Variants in TBXAS1 observed in about 807,000 individuals in gnomAD.
TBXAS1 encodes thromboxane-A synthase.
A neutral mutation model predicts 60.7 loss-of-function variants in TBXAS1; 48 were observed. The observed-to-expected ratio is 0.79, with a 90% CI of 0.63 to 1.01. TBXAS1 has a LOEUF of 1.01. Ranked by LOEUF, TBXAS1 falls within the 50% of genes least tolerant of loss-of-function variation. TBXAS1 has a pLI of 0.00. For synonymous variants in TBXAS1, 287 were observed against 269.7 expected (o/e 1.06, Z -0.63); for missense variants, 685 against 686.3 (o/e 1.00, Z 0.02).
intron 9 of TBXAS1, among the ~76,000 whole-genome samples, chr7:139,989,435 C>G (rs1250396046): frequency 6.6e-6 from 1 of 152,210 alleles, no homozygotes; most frequent in Non-Finnish European, 1.5e-5. Context: ...GCTGAAACTC[C>G]CCATGTCTAA....
At chr7:140,001,889 A>G (rs1185787516) in intron 9 of TBXAS1, among the ~76,000 whole-genome samples, 5 of 152,160 alleles carry the variant, frequency 3.3e-5, no homozygotes, top group Non-Finnish European at 7.4e-5. Flanking sequence ...CATCCTAAAA[A>G]TCTCAGCCTG....
rs1200263976 is a variant in TBXAS1 at position 139,890,382 on chromosome 7, A to AT, written c.236+14751dup. Among the ~76,000 whole-genome samples the AT allele has an allele frequency of 2.6e-5, 4 of 151,258 alleles. No homozygotes were observed. The East Asian group carries it at 7.8e-4, about 29-fold the overall frequency. The stretch of plus-strand genomic sequence containing the variant: ...AGGCGCCCGCCACTGCGCCCGGCTA[A>AT]TTTTTTGTATTTTTAGGAGAGACGG... On this transcript the variant is annotated intron_variant, in intron 3 of 12. Transcript: ENST00000448866.
chr7:139,955,666 T>G, intron 7 of TBXAS1, 59 bp downstream of exon 7: 1 of 1,607,134 alleles, frequency 6.2e-7, no homozygotes, highest in African/African-American at 1.3e-5. Context: ...GCAGACCCCA[T>G]GACACCTGGG....
chr7:139,837,061 C>A (rs1455329653), intron 1 of TBXAS1, among the ~76,000 whole-genome samples: 1 of 152,122 alleles, frequency 6.6e-6, no homozygotes, highest in African/African-American at 2.4e-5. Flanking sequence ...AAAAAATGCT[C>A]AACAACACTA....
upstream of TBXAS1, among the ~76,000 whole-genome samples, chr7:139,824,338 G>A (rs1018178659): frequency 2.0e-5 from 3 of 152,186 alleles, no homozygotes; most frequent in African/African-American, 7.2e-5. Context: ...CTGTACACAG[G>A]GTAGCACTTA....
intron 12 of TBXAS1, among the ~76,000 whole-genome samples, chr7:140,018,372 C>G (rs565184324): frequency 6.6e-6 from 1 of 152,120 alleles, no homozygotes; most frequent in Non-Finnish European, 1.5e-5. Context: ...TGCCTTCCCC[C>G]CTTGTGCAGA....
chr7:140,005,688 T>C (rs2116375560), intron 9 of TBXAS1, among the ~76,000 whole-genome samples: 1 of 152,336 alleles, frequency 6.6e-6, no homozygotes, highest in Middle Eastern at 3.4e-3. Flanking sequence ...AATGCCACCC[T>C]GGCCCTCTAA....
chr7:139,813,734 G>C, intron 4 of TBXAS1, among the ~76,000 whole-genome samples: 1 of 152,178 alleles, frequency 6.6e-6, no homozygotes, highest in East Asian at 1.9e-4. Context: ...TTGTAACTAT[G>C]TTAAGCATTA....
chr7:139,848,277 GC>G (rs1203453554), intron 1 of TBXAS1, among the ~76,000 whole-genome samples: 2 of 152,094 alleles, frequency 1.3e-5, no homozygotes, highest in Non-Finnish European at 2.9e-5. Flanking sequence ...GAGCCACCAT[GC>G]CTGGCCGCTT....
chr7:139,824,285 TG>T (rs1231838677), upstream of TBXAS1, among the ~76,000 whole-genome samples: 2 of 152,166 alleles, frequency 1.3e-5, no homozygotes, highest in Non-Finnish European at 2.9e-5. Flanking sequence ...GTGGGGCAAG[TG>T]GGCACCTCCC....
chr7:139,872,892 C>A (rs1348511043), intron 2 of TBXAS1, among the ~76,000 whole-genome samples: 1 of 152,174 alleles, frequency 6.6e-6, no homozygotes, highest in African/African-American at 2.4e-5. Context: ...TTCCCCCAAA[C>A]CCCATATATT....
chr7:139,972,202 T>C (rs1342231220), intron 9 of TBXAS1, among the ~76,000 whole-genome samples: 1 of 152,170 alleles, frequency 6.6e-6, no homozygotes, highest in Non-Finnish European at 1.5e-5. Flanking sequence ...AAGAGAAGTC[T>C]CTCCCAGGAA....
chr7:140,019,468 G>A (rs943386812), intron 12 of TBXAS1, among the ~76,000 whole-genome samples: 4 of 152,136 alleles, frequency 2.6e-5, no homozygotes, highest in African/African-American at 4.8e-5. Context: ...AGGGCTCCCC[G>A]TTCTTCCTTG....
chr7:139,856,508 C>T (rs892830979), intron 1 of TBXAS1, among the ~76,000 whole-genome samples: 5 of 152,070 alleles, frequency 3.3e-5, no homozygotes, highest in Non-Finnish European at 7.4e-5. Flanking sequence ...GTGGCCATTC[C>T]GACAGGCTAG....
chr7:139,839,695 AC>A (rs1277820195), intron 1 of TBXAS1, among the ~76,000 whole-genome samples: 66 of 145,852 alleles, frequency 4.5e-4, no homozygotes, highest in Non-Finnish European at 8.4e-4. Context: ...AAAAAAAAAA[AC>A]AAATCAAAAA....
intron 9 of TBXAS1, among the ~76,000 whole-genome samples, chr7:139,977,522 A>G (rs1811652907): frequency 6.6e-6 from 1 of 152,168 alleles, no homozygotes; most frequent in African/African-American, 2.4e-5. Context: ...GCCAAACCAT[A>G]TCAGAGGGTG....
intron 3 of TBXAS1, among the ~76,000 whole-genome samples, chr7:139,783,748 C>T (rs1797075175): frequency 2.6e-5 from 4 of 152,194 alleles, no homozygotes; most frequent in Admixed American, 2.0e-4. Flanking sequence ...AAGGTTTCCT[C>T]CCACTGACAT....
intron 1 of TBXAS1, among the ~76,000 whole-genome samples, chr7:139,855,747 T>G (rs1192531346): frequency 6.6e-6 from 1 of 152,166 alleles, no homozygotes; most frequent in Non-Finnish European, 1.5e-5. Context: ...TCCTCTGACC[T>G]AGGCAACGAC....
At chr7:139,952,579 TAAAA>T in intron 5 of TBXAS1, 1 of 1,537,266 alleles carries the variant, frequency 6.5e-7, no homozygotes, top group Non-Finnish European at 8.7e-7. Context: ...CAAGAGAGAA[TAAAA>T]GGTCACATGG....
Sources: gnomAD v4.1 joint callset for allele counts (sites outside exome capture counted in the v4.1 genomes callset) on GRCh38, gnomAD v4.1.1 for gene constraint, MANE v1.5 for transcripts, NCBI Gene and HGNC (gene_info 2026-07-23, HGNC 2026-07-21) for gene names.